Variants in HAUS2 observed in about 807,000 individuals in gnomAD.
HAUS2 encodes HAUS augmin like complex subunit 2, also known as HAUS augmin-like complex subunit 2.
A neutral mutation model predicts 21.6 loss-of-function variants in HAUS2; 20 were observed. The ratio of observed to expected loss-of-function variants is 0.93; its 90% CI spans 0.65 to 1.35. The LOEUF (loss-of-function observed/expected upper bound fraction) is 1.35. Among genes scored for constraint, HAUS2 ranks in the 40% most tolerant of loss-of-function variants. HAUS2 has a pLI of 0.00. For synonymous variants in HAUS2, 113 were observed against 95.6 expected (o/e 1.18, Z -1.06); for missense variants, 297 against 280.7 (o/e 1.06, Z -0.42).
intron 1 of HAUS2, 68 bp downstream of exon 1, chr15:42,549,033 G>A (rs1229347474): frequency 9.8e-7 from 1 of 1,016,336 alleles, no homozygotes; most frequent in Admixed American, 2.1e-5. Flanking sequence ...CTGTGAGTTG[G>A]TGCTGCTGGC....
intron 1 of HAUS2, among the ~76,000 whole-genome samples, chr15:42,549,765 C>CAAAAAAAAAA (rs58614126): frequency 1.7e-5 from 1 of 58,082 alleles, no homozygotes; most frequent in Non-Finnish European, 3.4e-5. Flanking sequence ...TCTTTAAAGG[C>CAAAAAAAAAA]AAAAAAAAAA....
intron 1 of HAUS2, among the ~76,000 whole-genome samples, chr15:42,556,895 A>C (rs2057783328): frequency 6.6e-6 from 1 of 151,816 alleles, no homozygotes; most frequent in Non-Finnish European, 1.5e-5. Context: ...CAGTAATCCC[A>C]AAAACTCCCA....
intron 3 of HAUS2, 89 bp from the exon 4 acceptor site, chr15:42,561,181 C>A: frequency 1.3e-6 from 1 of 748,124 alleles, no homozygotes; most frequent in Non-Finnish European, 2.3e-6. Flanking sequence ...GAATTTTTGA[C>A]ATGGGTAGTG....
chr15:42,552,268 C>T (rs957245223), intron 1 of HAUS2, among the ~76,000 whole-genome samples: 15 of 152,280 alleles, frequency 9.9e-5, no homozygotes, highest in Non-Finnish European at 2.1e-4. Context: ...AAATGATCCA[C>T]CCGCCTCGGC....
chr15:42,560,097 A>G (rs1278048852), intron 3 of HAUS2, among the ~76,000 whole-genome samples: 2 of 152,160 alleles, frequency 1.3e-5, no homozygotes, highest in East Asian at 1.9e-4. Flanking sequence ...CGAGGCTGCA[A>G]TGAGTTGTGA....
In HAUS2 at chr15:42,561,253, T is replaced by C. The variant is rs753703810; in HGVS notation, c.257-17T>C. 1 of 1,484,352 alleles carries C rather than the reference T, an allele frequency of 6.7e-7. No individual in the cohort carries two copies. The highest frequency in any genetic ancestry group is 9.4e-7 in the Non-Finnish European group (1 of 1,065,354). The allele number at this position is 1,484,352 out of a possible 1,614,324, so 91.9% of individuals were successfully genotyped here. A position where few individuals can be genotyped will look rare whatever the true frequency, so the allele number is the denominator to read the frequency against. ...GTCCTATTGCTAACTATAATTACTGTTTTTTAATTTGTATAGCTCAGAAGT... is the reference window on the plus strand; with the variant it reads ...GTCCTATTGCTAACTATAATTACTGCTTTTTAATTTGTATAGCTCAGAAGT... On this transcript the variant is annotated splice_polypyrimidine_tract_variant and intron_variant, in intron 3 of 5. Coordinates refer to ENST00000260372, the MANE Select transcript of HAUS2 (RefSeq NM_018097.3).
At chr15:42,553,138 C>T (rs1299208695) in intron 1 of HAUS2, among the ~76,000 whole-genome samples, 1 of 152,016 alleles carries the variant, frequency 6.6e-6, no homozygotes, top group East Asian at 1.9e-4. Flanking sequence ...AGGCACATAC[C>T]ACCACGCCCG....
At chr15:42,564,145 A>C (rs1199051062) in intron 5 of HAUS2, among the ~76,000 whole-genome samples, 1 of 151,916 alleles carries the variant, frequency 6.6e-6, no homozygotes, top group Admixed American at 6.6e-5. Flanking sequence ...GCGTGCCTGT[A>C]ATTCCAGCTA....
At chr15:42,553,839 T>C (rs2057748156) in intron 1 of HAUS2, among the ~76,000 whole-genome samples, 1 of 149,864 alleles carries the variant, frequency 6.7e-6, no homozygotes, top group South Asian at 2.1e-4. Flanking sequence ...TTTACTTTCA[T>C]TTACCTCCTG....
intron 1 of HAUS2, among the ~76,000 whole-genome samples, chr15:42,550,308 A>G (rs2057710648): frequency 1.3e-5 from 2 of 150,906 alleles, no homozygotes; most frequent in Non-Finnish European, 2.9e-5. Flanking sequence ...AAAAAGCACT[A>G]CAAACATGAT....
At chr15:42,563,919 C>T in intron 5 of HAUS2, 62 bp downstream of exon 5, 4 of 796,530 alleles carry the variant, frequency 5.0e-6, no homozygotes, top group Non-Finnish European at 8.6e-6. Context: ...TGTGCTCTCC[C>T]AGTTTAGCTT....
chr15:42,549,115 G>A, intron 1 of HAUS2, 150 bp downstream of exon 1: 1 of 573,762 alleles, frequency 1.7e-6, no homozygotes, highest in East Asian at 2.9e-5. Flanking sequence ...CAACAGCCGC[G>A]AACGTTCTGC....
At chr15:42,555,274 C>T (rs1370353088) in intron 1 of HAUS2, among the ~76,000 whole-genome samples, 3 of 151,852 alleles carry the variant, frequency 2.0e-5, no homozygotes, top group Non-Finnish European at 4.4e-5. Context: ...CCGTGAGCCA[C>T]GGCGCCCGGC....
chr15:42,557,468 T>C (rs140109876), intron 1 of HAUS2, among the ~76,000 whole-genome samples: 14 of 111,878 alleles, frequency 1.3e-4, no homozygotes, highest in Non-Finnish European at 1.7e-4. Context: ...ACATTGTATA[T>C]AATGTATATT....
intron 2 of HAUS2, 26 bp from the exon 3 acceptor site, chr15:42,559,312 TA>T: frequency 1.4e-6 from 2 of 1,411,798 alleles, no homozygotes; most frequent in Non-Finnish European, 2.0e-6. Flanking sequence ...CTGATTGAGC[TA>T]AATGTTACTT....
In HAUS2 at chr15:42,555,137, G is replaced by A. The variant is rs142915831; in HGVS notation, c.94-3061G>A. On this transcript the variant is annotated intron_variant, in intron 1 of 5. Coordinates refer to ENST00000260372, the MANE Select transcript of HAUS2 (RefSeq NM_018097.3). ...CCCGAGTAGCTGGGACTACAGGCAC[G>A]CCACCACACCCAGCTAATTTTTGTA... 8.0e-4 allele frequency among the ~76,000 whole-genome samples: 121 copies of A among 151,840 alleles called. 1 individual carries two copies. The highest frequency in any genetic ancestry group is 3.4e-3 in the Middle Eastern group (1 of 294).
intron 1 of HAUS2, 104 bp from the exon 2 acceptor site, chr15:42,558,094 T>C (rs2057805701): frequency 1.6e-6 from 1 of 630,742 alleles, no homozygotes. Context: ...AAGGCAGTGT[T>C]GAACATAATA....
rs1030409287 is a variant in HAUS2, at chr15:42,560,676, C to T, written c.257-594C>T. ...CTGTAACCCAGGCTGAAGTACAGGT[C>T]GCTGTAACTTCAACACGTGGTTTCA... On this transcript the variant is annotated intron_variant, in intron 3 of 5. Coordinates refer to ENST00000260372, the MANE Select transcript of HAUS2 (RefSeq NM_018097.3). 49 of 605,644 alleles carry T rather than the reference C, an allele frequency of 8.1e-5. No individual in the cohort carries two copies. In the East Asian group the frequency reaches 1.2e-3, roughly 14 times the overall value. The allele number at this position is 605,644 out of a possible 1,614,324, so 37.5% of individuals were successfully genotyped here.
Position 42,548,841 on chromosome 15 carries a change from C to G in HAUS2, c.-32C>G. On this transcript the variant is annotated 5_prime_UTR_variant, in exon 1 of 6. Coordinates refer to ENST00000260372, the MANE Select transcript of HAUS2 (RefSeq NM_018097.3). ...CGTTCGCCCTGCGATCCCGCTCACT[C>G]TTGGCGCCTTCGCGGAAGGTGCGTC... The G allele has an allele frequency of 6.6e-7, 1 of 1,513,690 alleles. No homozygotes were observed. Among genetic ancestry groups the G allele is most frequent in the Non-Finnish European group, 9.0e-7 (1 of 1,115,742 alleles). The allele number at this position is 1,513,690 out of a possible 1,614,324, so 93.8% of individuals were successfully genotyped here.
Sources: allele counts gnomAD v4.1 joint callset (sites outside exome capture counted in the v4.1 genomes callset), GRCh38; gene constraint gnomAD v4.1.1; transcripts MANE v1.5; gene names NCBI Gene and HGNC (gene_info 2026-07-23, HGNC 2026-07-21).